Variants in KBTBD4 observed in about 807,000 individuals in gnomAD.
KBTBD4 encodes the protein kelch repeat and BTB domain-containing protein 4.
KBTBD4 carries 30 observed loss-of-function variants against 43.9 expected under a neutral mutation model. The observed-to-expected ratio is 0.68, with a 90% CI of 0.51 to 0.93. The LOEUF (loss-of-function observed/expected upper bound fraction) is 0.93. Ranked by LOEUF, KBTBD4 falls within the 40% of genes least tolerant of loss-of-function variation. The pLI is 0.00. For missense variants in KBTBD4, 575 were observed against 668.8 expected (o/e 0.86, Z 1.55); for synonymous variants, 258 against 256.9 (o/e 1.00, Z -0.04).
rs1194844831 is a variant in KBTBD4, at chr11:47,572,928, C to G, written c.*2G>C. Reference sequence around the variant, plus strand: ...AGCAGTTCTCCTCCCCTCCCCACAGCCTTAGGCCAACACAAACTGCAAATT... The same window carrying G: ...AGCAGTTCTCCTCCCCTCCCCACAGGCTTAGGCCAACACAAACTGCAAATT... On this transcript the variant is annotated 3_prime_UTR_variant, in exon 4 of 4. Transcript: ENST00000430070. The G allele has an allele frequency of 1.9e-6, 3 of 1,610,992 alleles. No homozygotes were observed. Among genetic ancestry groups the G allele is most frequent in the East Asian group, 2.2e-5 (1 of 44,866 alleles).
In KBTBD4 at chr11:47,573,706, C is replaced by G. The variant is rs145366063; in HGVS notation, c.829G>C (p.Glu277Gln). 1 of 1,607,862 alleles carries G rather than the reference C, an allele frequency of 6.2e-7. No homozygotes were observed. Among genetic ancestry groups the G allele is most frequent in the African/African-American group, 1.3e-5 (1 of 75,074 alleles). ...HSLAVSLHCA[E>Q]DDSISVSGQN... ...CCACTTACACTGATGGAGTCATCTT[C>G]TGCACAGTGCAAGGACACAGCCAAC... Residue 277 changes from glutamate to glutamine, a missense_variant, in exon 4 of 4, where the codon GAA becomes CAA. Transcript: ENST00000430070. This position sits in a 1 kb window ranked among gnomAD's most constrained non-coding sequence, Gnocchi z 4.1.
At position 47,577,437 on chromosome 11, in the gene KBTBD4, T is replaced by A; in HGVS notation, c.611A>T (p.His204Leu). The A allele has an allele frequency of 6.2e-7, 1 of 1,608,072 alleles. No homozygotes were observed. Among genetic ancestry groups the A allele is most frequent in the Non-Finnish European group, 8.5e-7 (1 of 1,175,112 alleles). ...CGAGATGATATCTGTGAGTAAGCGG[T>A]GGGGCAAGTGGAGAAATTCCTCTGT... ...QNTEEFLHLP[H>L]RLLTDIISDG... is the part of the protein sequence containing the mutation. The change falls in exon 2 of 4, where the codon CAC (histidine) becomes CTC (leucine). Residue 204 changes from histidine (H) to leucine (L), a missense_variant. Transcript: ENST00000430070.
intron 3 of KBTBD4, among the ~76,000 whole-genome samples, chr11:47,574,295 G>A (rs779525230): frequency 2.0e-5 from 3 of 152,086 alleles, no homozygotes; most frequent in Non-Finnish European, 4.4e-5. Context: ...TCAAGAGTTC[G>A]AGACCAGCCT....
chr11:47,573,672 C>T lies in KBTBD4; in HGVS notation c.863G>A (p.Ser288Asn). The change falls in exon 4 of 4, where the codon AGT becomes AAT. Residue 288 changes from serine (S) to asparagine (N), a missense_variant. Physicochemically the swap from Ser to Asn is conservative, Grantham distance 46 (BLOSUM62 1). Transcript: ENST00000430070. The surrounding 1 kb of genome is among the most constrained non-coding windows in gnomAD (Gnocchi z 4.1). ...DDSISVSGQN[S>N]LCHQITAACK... ...GGCCGCAGTGATCTGGTGGCACAAA[C>T]TGTTTTGGCCACTTACACTGATGGA... 6.2e-7 allele frequency: 1 copy of T among 1,612,718 alleles called. No homozygotes were observed.
intron 2 of KBTBD4, chr11:47,576,450 C>G (rs2097259744): frequency 6.6e-6 from 1 of 151,548 alleles, no homozygotes. Flanking sequence ...CTGGCCCGTA[C>G]CTTGCTCTTT....
rs2097262773 is a variant in KBTBD4, at chr11:47,577,759, C to T, written c.289G>A (p.Ala97Thr). The T allele has an allele frequency of 1.2e-6, 2 of 1,614,186 alleles. No individual in the cohort carries two copies. Among genetic ancestry groups the T allele is most frequent in the African/African-American group, 1.3e-5 (1 of 75,048 alleles). ...TGCAGCACAATCACCCGGTTGTGGG[C>T]CTCCTTCAGGTTGGAAGTGAACATG... ...RSMFTSNLKEAHNRVIVLQDV... is the reference protein window; with the variant it reads ...RSMFTSNLKETHNRVIVLQDV... Residue 97 changes from alanine to threonine, a missense_variant, in exon 2 of 4, where the codon GCC becomes ACC. Transcript: ENST00000430070.
At position 47,572,570 on chromosome 11, in the gene KBTBD4, G is replaced by T. The variant is rs1363901271; in HGVS notation, c.*360C>A. 3 of 224,678 alleles carry T rather than the reference G, an allele frequency of 1.3e-5. No individual in the cohort carries two copies. The Admixed American group carries it at 1.5e-4, about 11-fold the overall frequency. 13.9% of individuals were successfully genotyped at this position (224,678 alleles called of 1,614,324 possible). A position where few individuals can be genotyped will look rare whatever the true frequency, so the allele number is the denominator to read the frequency against. On this transcript the variant is annotated 3_prime_UTR_variant, in exon 4 of 4. Coordinates refer to ENST00000430070, the MANE Select transcript of KBTBD4 (RefSeq NM_018095.6). ...CAGGCTATAGAACAAAAGTACAATT[G>T]GGCATCTTTCCTTATGTCCTGGGAT...
At chr11:47,578,383 C>A in intron 1 of KBTBD4, 1 of 560,714 alleles carries the variant, frequency 1.8e-6, no homozygotes, top group Admixed American at 3.6e-5. Context: ...GCCTTACTAA[C>A]CAAATAACTG....
intron 1 of KBTBD4, 27 bp downstream of exon 1, chr11:47,578,906 C>G: frequency 6.4e-7 from 1 of 1,551,680 alleles, no homozygotes; most frequent in African/African-American, 1.4e-5. Context: ...CTCACGATTT[C>G]CCTACCTGCC....
At chr11:47,575,025 G>C (rs1162296883) in intron 3 of KBTBD4, among the ~76,000 whole-genome samples, 1 of 151,890 alleles carries the variant, frequency 6.6e-6, no homozygotes, top group Non-Finnish European at 1.5e-5. Context: ...GACCAGCCTG[G>C]CCAACATGGT....
At chr11:47,578,467 G>A in intron 1 of KBTBD4, 1 of 590,934 alleles carries the variant, frequency 1.7e-6, no homozygotes, top group East Asian at 2.9e-5. Context: ...CTAGTGGCCA[G>A]GTCCTCTCCT....
At position 47,572,932 on chromosome 11, in the gene KBTBD4, A is replaced by C; in HGVS notation, c.1603T>G (p.Ter535GluextTer66). 5.6e-6 allele frequency: 9 copies of C among 1,612,056 alleles called. No individual in the cohort carries two copies. The highest frequency in any genetic ancestry group is 5.9e-6 in the Non-Finnish European group (7 of 1,178,626). ...LLTNLQFVLA[*>E] Reference sequence around the variant, plus strand: ...GTTCTCCTCCCCTCCCCACAGCCTTAGGCCAACACAAACTGCAAATTGGTA... The same window carrying C: ...GTTCTCCTCCCCTCCCCACAGCCTTCGGCCAACACAAACTGCAAATTGGTA... The change falls in exon 4 of 4, where the codon TAA becomes GAA. Residue 535 changes from the stop codon to glutamate, a stop_lost. Coordinates refer to ENST00000430070, the MANE Select transcript of KBTBD4 (RefSeq NM_018095.6).
At chr11:47,578,822 T>G (rs1227651216) in intron 1 of KBTBD4, 111 bp downstream of exon 1, 13 of 1,405,678 alleles carry the variant, frequency 9.2e-6, no homozygotes, top group Middle Eastern at 2.4e-4. Flanking sequence ...CCTCCCCTCC[T>G]CTCACCCGCC....
At chr11:47,575,571 A>G in intron 3 of KBTBD4, 22 bp downstream of exon 3, 1 of 1,493,068 alleles carries the variant, frequency 6.7e-7, no homozygotes, top group Non-Finnish European at 9.3e-7. Flanking sequence ...TGCAGTCTCA[A>G]CAATTAAGAG....
At position 47,573,326 on chromosome 11, in the gene KBTBD4, C is replaced by T. The variant is rs1171978686; in HGVS notation, c.1209G>A (p.Glu403=). The T allele has an allele frequency of 1.9e-6, 3 of 1,614,192 alleles. No individual in the cohort carries two copies. The highest frequency in any genetic ancestry group is 1.7e-5 in the Admixed American group (1 of 60,024). The change falls in exon 4 of 4, where the codon GAG becomes GAA. Residue 403 remains glutamate, a synonymous_variant. Coordinates refer to ENST00000430070, the MANE Select transcript of KBTBD4 (RefSeq NM_018095.6). This position sits in a 1 kb window ranked among gnomAD's most constrained non-coding sequence, Gnocchi z 4.1. ...GTTTGGTAAAGAAGTCCAGATCATT[C>T]TCCTCCCCCCCTAGTAAGTAGATGA... The part of the protein sequence containing the change: ...NGIIYLLGGE[E]NDLDFFTKPS...
chr11:47,578,936 C>T lies in KBTBD4; in HGVS notation c.16G>A (p.Ala6Thr), dbSNP rs1474105869. MKGGN[A>T]DSWQREKLAS... ...CCTGCCTGTCTCGCTTTCTCACCTG[C>T]GTTCCCTCCTTTCATCCCGGAGCCC... Residue 6 changes from alanine to threonine, a missense_variant, in exon 1 of 4, where the codon GCA becomes ACA. Ala to Thr is a moderately conservative substitution (Grantham distance 58). Transcript: ENST00000430070. The T allele has an allele frequency of 1.9e-6, 3 of 1,551,822 alleles. No individual in the cohort carries two copies. Among genetic ancestry groups the T allele is most frequent in the Non-Finnish European group, 2.6e-6 (3 of 1,147,026 alleles).
chr11:47,572,956 TA>T lies in KBTBD4; in HGVS notation c.1578del (p.Thr527ProfsTer44). ...VTVTRGIKVLLTNLQFVLA is the reference protein window; with the variant it reads ...VTVTRGIKVLXTNLQFVLA ...TAGGCCAACACAAACTGCAAATTGG[TA>T]AGCAGCACCTTAATACCTCTTGTGA... On this transcript the variant is annotated frameshift_variant, in exon 4 of 4. Coordinates refer to ENST00000430070, the MANE Select transcript of KBTBD4 (RefSeq NM_018095.6). LOFTEE classifies it high-confidence loss of function. 1 of 1,614,086 alleles carries T rather than the reference TA, an allele frequency of 6.2e-7. No homozygotes were observed. Among genetic ancestry groups the T allele is most frequent in the Non-Finnish European group, 8.5e-7 (1 of 1,179,944 alleles).
At chr11:47,574,715 G>A (rs922413296) in intron 3 of KBTBD4, among the ~76,000 whole-genome samples, 14 of 151,720 alleles carry the variant, frequency 9.2e-5, no homozygotes, top group African/African-American at 2.9e-4. Flanking sequence ...TTATCTGGGC[G>A]TGGTCGTGGG....
rs1372198329 is a variant in KBTBD4 at position 47,573,247 on chromosome 11, G to T, written c.1288C>A (p.Pro430Thr). The T allele has an allele frequency of 6.2e-7, 1 of 1,614,124 alleles. No homozygotes were observed. Among genetic ancestry groups the T allele is most frequent in the East Asian group, 2.2e-5 (1 of 44,884 alleles). ...DTETDKCHVKPYVLPFAGRMH... is the reference protein window; with the variant it reads ...DTETDKCHVKTYVLPFAGRMH... ...CGGCCTGCAAAGGGCAGCACATAGG[G>T]CTTCACATGGCATTTGTCTGTCTCT... The change falls in exon 4 of 4, where the codon CCC (proline) becomes ACC (threonine). Residue 430 changes from proline to threonine, a missense_variant. By Grantham distance (38) the Pro-to-Thr change is conservative. Coordinates refer to ENST00000430070, the MANE Select transcript of KBTBD4 (RefSeq NM_018095.6). The surrounding 1 kb of genome is among the most constrained non-coding windows in gnomAD (Gnocchi z 4.1).
Sources: gnomAD v4.1 joint callset for allele counts (sites outside exome capture counted in the v4.1 genomes callset) on GRCh38, gnomAD v4.1.1 for gene constraint, Gnocchi (gnomAD v3.1) non-coding constraint, MANE v1.5 for transcripts, NCBI Gene and HGNC (gene_info 2026-07-23, HGNC 2026-07-21) for gene names.